Variants in AMOTL1 observed in about 807,000 individuals in gnomAD.
The protein encoded by AMOTL1 is angiomotin-like protein 1.
A neutral mutation model predicts 102.9 loss-of-function variants in AMOTL1; 45 were observed. The observed-to-expected ratio is 0.44, with a 90% CI of 0.34 to 0.56. AMOTL1 has a LOEUF of 0.56. AMOTL1 is among the 20% of genes least tolerant of loss of function. The probability of loss-of-function intolerance (pLI) is 0.01; values close to 1 mark genes in which losing one functional copy is unlikely to be tolerated. For missense variants in AMOTL1, 1,114 were observed against 1,225.6 expected (o/e 0.91, Z 1.36); for synonymous variants, 481 against 484.7 (o/e 0.99, Z 0.10).
At chr11:94,751,472 C>T (rs1461028474) in intron 3 of AMOTL1, among the ~76,000 whole-genome samples, 3 of 151,920 alleles carry the variant, frequency 2.0e-5, no homozygotes, top group African/African-American at 4.8e-5. Context: ...CAATTTGGGG[C>T]GAGGCGGTAG....
chr11:94,706,925 C>T (rs1343379432), intron 1 of AMOTL1, among the ~76,000 whole-genome samples: 1 of 152,116 alleles, frequency 6.6e-6, no homozygotes, highest in East Asian at 1.9e-4. Context: ...TAGGGCCATC[C>T]ATACCTCCTT....
chr11:94,868,783 A>T (rs776558228), intron 11 of AMOTL1, among the ~76,000 whole-genome samples: 6 of 152,124 alleles, frequency 3.9e-5, no homozygotes, highest in Non-Finnish European at 8.8e-5. Context: ...TGGTAACAGC[A>T]AGCATGGTCT....
Position 94,800,260 on chromosome 11 carries a change from C to G in AMOTL1, c.1070C>G (p.Thr357Arg). Residue 357 changes from threonine (T) to arginine (R), a missense_variant, in exon 3 of 13, where the codon ACA becomes AGA. Coordinates refer to ENST00000433060, the MANE Select transcript of AMOTL1 (RefSeq NM_130847.3). ...TACCCTGCTCCTCAGCCTGTGAGAA[C>G]AGATGTGGCCGTCCTGCGGTACCAG... Reference protein sequence around the residue: ...KPYPAPQPVRTDVAVLRYQPP... With the variant: ...KPYPAPQPVRRDVAVLRYQPP... 6.2e-7 allele frequency: 1 copy of G among 1,613,576 alleles called. No individual in the cohort carries two copies. Among genetic ancestry groups the G allele is most frequent in the Non-Finnish European group, 8.5e-7 (1 of 1,179,726 alleles).
chr11:94,836,031 T>C (rs1352522034), intron 6 of AMOTL1, among the ~76,000 whole-genome samples: 3 of 152,238 alleles, frequency 2.0e-5, no homozygotes, highest in South Asian at 4.1e-4. Context: ...ATTTTAGCTA[T>C]TTTCGTTTTC....
Position 94,859,626 on chromosome 11 carries a change from C to T in AMOTL1, c.2046C>T (p.Ala682=), listed in dbSNP as rs372535071. 32 of 1,613,478 alleles carry T rather than the reference C, an allele frequency of 2.0e-5. No individual in the cohort carries two copies. The highest frequency in any genetic ancestry group is 3.3e-4 in the Middle Eastern group (2 of 6,084). The change falls in exon 9 of 13, where the codon GCC becomes GCT. Residue 682 remains alanine (A), a synonymous_variant. Transcript: ENST00000433060. ...EKEERILALE[A]DMTKWEQKYL... ...AGGAGCGGATCCTGGCCCTGGAGGC[C>T]GACATGACAAAGTGGGAGCAGAAGT... is the stretch of plus-strand genomic sequence containing the variant.
rs910817228 is a variant in AMOTL1 at position 94,875,614 on chromosome 11, G to A, written c.*4819G>A. 6.7e-6 allele frequency: 1 copy of A among 148,944 alleles called. No individual in the cohort carries two copies. The highest frequency in any genetic ancestry group is 2.1e-4 in the South Asian group (1 of 4,834). 9.2% of individuals were successfully genotyped at this position (148,944 alleles called of 1,614,324 possible). ...GTTCCTTTGGTTTACCCTTAGAGATGAGAAATCCTCCTCCTTTGAGGATGG... is the reference window on the plus strand; with the variant it reads ...GTTCCTTTGGTTTACCCTTAGAGATAAGAAATCCTCCTCCTTTGAGGATGG... On this transcript the variant is annotated 3_prime_UTR_variant, in exon 13 of 13. Coordinates refer to ENST00000433060, the MANE Select transcript of AMOTL1 (RefSeq NM_130847.3).
chr11:94,800,421 C>T, intron 3 of AMOTL1, 110 bp downstream of exon 3: 2 of 1,231,926 alleles, frequency 1.6e-6, no homozygotes, highest in Non-Finnish European at 2.2e-6. Context: ...GGCTTTTTTC[C>T]TTATGCATGA....
chr11:94,739,051 C>T (rs951228401), intron 2 of AMOTL1, among the ~76,000 whole-genome samples: 11 of 152,080 alleles, frequency 7.2e-5, no homozygotes, highest in Admixed American at 5.9e-4. Context: ...GAATCAGATG[C>T]CATTATCTTC....
intron 4 of AMOTL1, 108 bp downstream of exon 4, chr11:94,821,929 TAGGCCCTGTGCA>T: frequency 2.1e-6 from 3 of 1,399,228 alleles, no homozygotes; most frequent in Admixed American, 1.9e-5. Context: ...CTTTTTATAC[TAGGCCCTGTGCA>T]AGGCTTTAGG....
Position 94,795,068 on chromosome 11 carries a change from C to G in AMOTL1, c.107C>G (p.Thr36Ser). 1 of 1,613,852 alleles carries G rather than the reference C, an allele frequency of 6.2e-7. No individual in the cohort carries two copies. Among genetic ancestry groups the G allele is most frequent in the African/African-American group, 1.3e-5 (1 of 74,998 alleles). The change falls in exon 2 of 13, where the codon ACC becomes AGC. Residue 36 changes from threonine (T) to serine (S), a missense_variant. Transcript: ENST00000433060. ...CCTGTCCAGGTTCTAGAAGACTCCA[C>G]CTACTTTTCCCCAGACTTTCAGCTC... is the stretch of plus-strand genomic sequence containing the variant. ...SSPVQVLEDS[T>S]YFSPDFQLYS...
At chr11:94,761,431 C>T (rs997910170) in intron 3 of AMOTL1, among the ~76,000 whole-genome samples, 8 of 150,734 alleles carry the variant, frequency 5.3e-5, no homozygotes, top group Non-Finnish European at 7.4e-5. Flanking sequence ...TCAAGTGATC[C>T]GCACCCCCTG....
intron 11 of AMOTL1, chr11:94,866,406 CTAT>C (rs1295476258): frequency 4.4e-5 from 24 of 541,692 alleles, no homozygotes; most frequent in Admixed American, 9.4e-5. Context: ...TCAGAATTAT[CTAT>C]TATTGTTGTA....
At chr11:94,774,148 A>G (rs1472210079) in intron 1 of AMOTL1, among the ~76,000 whole-genome samples, 1 of 152,224 alleles carries the variant, frequency 6.6e-6, no homozygotes, top group Non-Finnish European at 1.5e-5. Context: ...AATGTTACGT[A>G]AATTCGCATG....
chr11:94,837,776 T>C (rs1176014991), intron 6 of AMOTL1, among the ~76,000 whole-genome samples: 1 of 152,238 alleles, frequency 6.6e-6, no homozygotes, highest in Non-Finnish European at 1.5e-5. Flanking sequence ...CAACTACACA[T>C]GGGTTATGAT....
intron 1 of AMOTL1, among the ~76,000 whole-genome samples, chr11:94,711,184 G>A (rs1950017441): frequency 6.6e-6 from 1 of 152,014 alleles, no homozygotes; most frequent in Admixed American, 6.6e-5. Flanking sequence ...ATGAATTGAT[G>A]TTTGACAGAT....
chr11:94,731,241 A>T (rs1950345675), intron 2 of AMOTL1, among the ~76,000 whole-genome samples: 1 of 152,224 alleles, frequency 6.6e-6, no homozygotes, highest in African/African-American at 2.4e-5. Context: ...AGTTCAGATA[A>T]TCAGTCTATA....
intron 2 of AMOTL1, among the ~76,000 whole-genome samples, chr11:94,733,454 G>A (rs1950387875): frequency 6.6e-6 from 1 of 152,234 alleles, no homozygotes. Context: ...CAGGGCTACA[G>A]CAAGGTCTCC....
intron 3 of AMOTL1, among the ~76,000 whole-genome samples, chr11:94,810,472 T>C (rs1951655671): frequency 7.0e-6 from 1 of 142,180 alleles, no homozygotes; most frequent in African/African-American, 2.7e-5. Flanking sequence ...CAGAGTAATC[T>C]CTGCTACAAT....
chr11:94,815,165 G>T (rs1185181258), intron 3 of AMOTL1, among the ~76,000 whole-genome samples: 2 of 152,152 alleles, frequency 1.3e-5, no homozygotes, highest in Non-Finnish European at 2.9e-5. Flanking sequence ...TTATCGTTTA[G>T]ATTCATTGGT....
Sources: gnomAD v4.1 joint callset for allele counts (sites outside exome capture counted in the v4.1 genomes callset) on GRCh38, gnomAD v4.1.1 for gene constraint, MANE v1.5 for transcripts, NCBI Gene and HGNC (gene_info 2026-07-23, HGNC 2026-07-21) for gene names.